The following KCND2 variants were observed in gnomAD, a reference collection of about 807,000 sequenced individuals.
KCND2 encodes the protein potassium voltage-gated channel subfamily D member 2.
In KCND2, 16 loss-of-function variants were observed where a neutral mutation model predicts 54.4. That is an observed-to-expected ratio of 0.29 (90% CI 0.20 to 0.45). The LOEUF (loss-of-function observed/expected upper bound fraction) is 0.45, where lower values mean the gene tolerates loss of function less well. Ranked by LOEUF, KCND2 falls within the 20% of genes least tolerant of loss-of-function variation. The pLI, the probability that KCND2 is intolerant of heterozygous loss-of-function variation, is 1.00. For synonymous variants in KCND2, 317 were observed against 310.7 expected (o/e 1.02, Z -0.21); for missense variants, 486 against 824.2 (o/e 0.59, Z 5.02).
intron 1 of KCND2, among the ~76,000 whole-genome samples, chr7:120,694,091 G>A (rs1051266965): frequency 2.0e-5 from 3 of 152,182 alleles, no homozygotes; most frequent in African/African-American, 7.2e-5. Context: ...TTTCCTGTCT[G>A]CTTTGAAGGA....
At chr7:120,416,503 G>T (rs1382473169) in intron 1 of KCND2, among the ~76,000 whole-genome samples, 1 of 152,088 alleles carries the variant, frequency 6.6e-6, no homozygotes, top group Non-Finnish European at 1.5e-5. Context: ...CATAAAAGCT[G>T]GTTTAACAAG....
intron 1 of KCND2, among the ~76,000 whole-genome samples, chr7:120,288,394 T>C (rs967373046): frequency 6.6e-6 from 1 of 152,144 alleles, no homozygotes; most frequent in Non-Finnish European, 1.5e-5. Flanking sequence ...GAAGATAATT[T>C]TTAATCACAT....
At chr7:120,398,488 C>T (rs1801193235) in intron 1 of KCND2, among the ~76,000 whole-genome samples, 1 of 149,468 alleles carries the variant, frequency 6.7e-6, no homozygotes, top group African/African-American at 2.4e-5. Flanking sequence ...TATAAAATGG[C>T]TGCAAGAGAT....
intron 1 of KCND2, among the ~76,000 whole-genome samples, chr7:120,315,292 G>A (rs1382036893): frequency 6.6e-6 from 1 of 152,046 alleles, no homozygotes; most frequent in Non-Finnish European, 1.5e-5. Context: ...GTTTTCTGTG[G>A]GAATTTGTGC....
At chr7:120,443,439 C>A (rs1801972558) in intron 1 of KCND2, among the ~76,000 whole-genome samples, 1 of 151,468 alleles carries the variant, frequency 6.6e-6, no homozygotes, top group African/African-American at 2.4e-5. Flanking sequence ...GGAGTCTCAG[C>A]CTCTTTCCAT....
At chr7:120,539,350 C>T (rs1191704074) in intron 1 of KCND2, among the ~76,000 whole-genome samples, 1 of 152,194 alleles carries the variant, frequency 6.6e-6, no homozygotes, top group Non-Finnish European at 1.5e-5. Context: ...GAATCAAAGT[C>T]ATCTCTGAAG....
chr7:120,746,120 T>C, intron 5 of KCND2, 93 bp downstream of exon 5: 6 of 1,418,284 alleles, frequency 4.2e-6, no homozygotes, highest in Non-Finnish European at 5.9e-6. Context: ...GGCATCTAAA[T>C]CCCTAGCTCC....
At chr7:120,588,048 A>G (rs1390919126) in intron 1 of KCND2, among the ~76,000 whole-genome samples, 1 of 152,166 alleles carries the variant, frequency 6.6e-6, no homozygotes, top group Non-Finnish European at 1.5e-5. Context: ...CACCCAGTAA[A>G]TGACAAAACT....
chr7:120,537,876 A>C (rs1791931307), intron 1 of KCND2, among the ~76,000 whole-genome samples: 1 of 152,166 alleles, frequency 6.6e-6, no homozygotes, highest in Non-Finnish European at 1.5e-5. Flanking sequence ...TTGATCTCTT[A>C]TCCAGACCAC....
intron 1 of KCND2, among the ~76,000 whole-genome samples, chr7:120,639,815 AG>A (rs1243985636): frequency 6.6e-6 from 1 of 152,156 alleles, no homozygotes; most frequent in Non-Finnish European, 1.5e-5. Flanking sequence ...AATGAACAAA[AG>A]CTTCACACAA....
intron 1 of KCND2, among the ~76,000 whole-genome samples, chr7:120,554,908 C>G (rs1792145403): frequency 6.6e-6 from 1 of 152,182 alleles, no homozygotes; most frequent in Admixed American, 6.5e-5. Context: ...TCAATTTCTC[C>G]TAATCCCCTT....
chr7:120,672,622 G>A (rs1311828582), intron 1 of KCND2, among the ~76,000 whole-genome samples: 1 of 152,026 alleles, frequency 6.6e-6, no homozygotes, highest in Non-Finnish European at 1.5e-5. Context: ...ACCATCCATT[G>A]TTGTTACTCT....
intron 1 of KCND2, among the ~76,000 whole-genome samples, chr7:120,487,365 C>G (rs1222441291): frequency 6.7e-6 from 1 of 149,618 alleles, no homozygotes; most frequent in African/African-American, 2.5e-5. Flanking sequence ...AATGGAATAA[C>G]AAGAAAAATG....
At position 120,274,434 on chromosome 7, in the gene KCND2, A is replaced by G; in HGVS notation, c.-199A>G. On this transcript the variant is annotated 5_prime_UTR_variant, in exon 1 of 6. Transcript: ENST00000331113. ...GTTGTATTTTGTTGCCATTATTCCA[A>G]ATACCTGTCTTGGAGGGAAAGTTGC... The G allele has an allele frequency of 1.5e-6, 1 of 671,098 alleles. No homozygotes were observed. Among genetic ancestry groups the G allele is most frequent in the Non-Finnish European group, 2.7e-6 (1 of 373,060 alleles). 41.6% of individuals were successfully genotyped at this position (671,098 alleles called of 1,614,324 possible). A position where few individuals can be genotyped will look rare whatever the true frequency, so the allele number is the denominator to read the frequency against.
intron 1 of KCND2, among the ~76,000 whole-genome samples, chr7:120,472,170 C>T (rs949409879): frequency 2.0e-5 from 3 of 151,628 alleles, no homozygotes; most frequent in African/African-American, 4.8e-5. Context: ...AGGTAAATGA[C>T]ATCATCTTCC....
At chr7:120,365,260 A>C (rs1467406352) in intron 1 of KCND2, among the ~76,000 whole-genome samples, 2 of 151,770 alleles carry the variant, frequency 1.3e-5, no homozygotes, top group Non-Finnish European at 2.9e-5. Flanking sequence ...GGGCGAGCTA[A>C]TTCAGGGATA....
chr7:120,408,121 A>G (rs1053840829), intron 1 of KCND2, among the ~76,000 whole-genome samples: 2 of 151,988 alleles, frequency 1.3e-5, no homozygotes, highest in Admixed American at 6.6e-5. Context: ...GAATATAATT[A>G]TAAACCCATG....
In KCND2 at chr7:120,285,294, C is replaced by T. The variant is rs76505133; in HGVS notation, c.1115+9547C>T. Among the ~76,000 whole-genome samples, 201 of 152,052 alleles carry T rather than the reference C, an allele frequency of 1.3e-3. 1 individual carries two copies. The East Asian group carries it at 0.018, about 14-fold the overall frequency. Reference sequence around the variant, plus strand: ...GCCAATAATATGGAAAACATCAAACCTGAAAATATCTCACAAGACTAGTTT... The same window carrying T: ...GCCAATAATATGGAAAACATCAAACTTGAAAATATCTCACAAGACTAGTTT... On this transcript the variant is annotated intron_variant, in intron 1 of 5. Transcript: ENST00000331113.
intron 1 of KCND2, among the ~76,000 whole-genome samples, chr7:120,662,068 A>G (rs1292005017): frequency 6.6e-6 from 1 of 152,106 alleles, no homozygotes; most frequent in Non-Finnish European, 1.5e-5. Context: ...TCATTTCCTT[A>G]TGAGGGCACC....
Sources: allele counts gnomAD v4.1 joint callset (sites outside exome capture counted in the v4.1 genomes callset), GRCh38; gene constraint gnomAD v4.1.1; transcripts MANE v1.5; gene names NCBI Gene and HGNC (gene_info 2026-07-23, HGNC 2026-07-21).